Variants in MICU3 observed in about 807,000 individuals in gnomAD.
MICU3 encodes the protein mitochondrial calcium uptake 3, also known as calcium uptake protein 3, mitochondrial.
Under a neutral mutation model 66.5 loss-of-function variants are expected in MICU3, and 62 were observed. The observed-to-expected ratio is 0.93, with a 90% CI of 0.76 to 1.15. The LOEUF (loss-of-function observed/expected upper bound fraction) is 1.15, where lower values mean the gene tolerates loss of function less well. Among genes scored for constraint, MICU3 ranks in the 50% most tolerant of loss-of-function variants. MICU3 has a pLI of 0.00. For synonymous variants in MICU3, 308 were observed against 240.7 expected (o/e 1.28, Z -2.59); for missense variants, 779 against 664.4 (o/e 1.17, Z -1.90).
chr8:17,062,424 G>GAGC (rs1380552094), intron 1 of MICU3, among the ~76,000 whole-genome samples: 1 of 152,116 alleles, frequency 6.6e-6, no homozygotes, highest in Non-Finnish European at 1.5e-5. Context: ...TAGAAGTGGG[G>GAGC]AGCGAAACTT....
chr8:17,113,523 T>C (rs980686268), intron 11 of MICU3, among the ~76,000 whole-genome samples: 3 of 152,190 alleles, frequency 2.0e-5, no homozygotes, highest in African/African-American at 7.2e-5. Flanking sequence ...CCCAGAACTG[T>C]ACCTCTGAGG....
rs111567148 is a variant in MICU3, at chr8:17,098,508, A to T, written c.939A>T (p.Thr313=). ...EELVSRSYWD[T]LRRNTSQALF... ...TTGTCTCCAGAAGCTATTGGGATAC[A>T]CTGAGACGTAACACAAGCCAAGCAC... The change falls in exon 9 of 15, where the codon ACA becomes ACT. Residue 313 remains threonine, a synonymous_variant. Coordinates refer to ENST00000318063, the MANE Select transcript of MICU3 (RefSeq NM_181723.3). 3.7e-6 allele frequency: 6 copies of T among 1,611,876 alleles called. No homozygotes were observed. The highest frequency in any genetic ancestry group is 5.1e-6 in the Non-Finnish European group (6 of 1,178,428).
chr8:17,055,623 T>C (rs958588919), intron 1 of MICU3, among the ~76,000 whole-genome samples: 2 of 152,174 alleles, frequency 1.3e-5, no homozygotes, highest in African/African-American at 4.8e-5. Flanking sequence ...TATAAAAGCT[T>C]CTCACATGAA....
downstream of MICU3, among the ~76,000 whole-genome samples, chr8:17,127,506 G>T (rs767947784): frequency 2.4e-4 from 10 of 40,996 alleles, no homozygotes; most frequent in Non-Finnish European, 3.3e-4. Flanking sequence ...GCCTTCATTT[G>T]TCAACTTAAA....
At chr8:17,070,090 G>T (rs902463917) in intron 3 of MICU3, among the ~76,000 whole-genome samples, 1 of 151,966 alleles carries the variant, frequency 6.6e-6, no homozygotes, top group Admixed American at 6.6e-5. Flanking sequence ...AGTTGAACTT[G>T]AATAGACTCT....
intron 8 of MICU3, among the ~76,000 whole-genome samples, chr8:17,091,833 A>G (rs112818721): frequency 0.014 from 2,163 of 152,162 alleles, 50 homozygotes; most frequent in African/African-American, 0.049. Flanking sequence ...ACAGATTATA[A>G]TGCCATATGC....
At chr8:17,114,763 C>T (rs1802525185) in intron 12 of MICU3, among the ~76,000 whole-genome samples, 3 of 152,112 alleles carry the variant, frequency 2.0e-5, no homozygotes, top group Admixed American at 1.3e-4. Flanking sequence ...CCTATGGGGA[C>T]TTTGTTTGTC....
At position 17,105,408 on chromosome 8, in the gene MICU3, C is replaced by T. The variant is rs1314708037; in HGVS notation, c.1086-5C>T. 1 of 1,500,524 alleles carries T rather than the reference C, an allele frequency of 6.7e-7. No individual in the cohort carries two copies. Among genetic ancestry groups the T allele is most frequent in the South Asian group, 1.3e-5 (1 of 79,334 alleles). 93.0% of individuals were successfully genotyped at this position (1,500,524 alleles called of 1,614,324 possible). Reference sequence around the variant, plus strand: ...TTTTCCTTCTTTATTACATTTTTGTCATAGATTCATGGATAATCTCCAAAC... The same window carrying T: ...TTTTCCTTCTTTATTACATTTTTGTTATAGATTCATGGATAATCTCCAAAC... On this transcript the variant is annotated splice_polypyrimidine_tract_variant and splice_region_variant and intron_variant, in intron 10 of 14. Coordinates refer to ENST00000318063, the MANE Select transcript of MICU3 (RefSeq NM_181723.3).
chr8:17,037,655 G>T (rs1450128795), intron 1 of MICU3, among the ~76,000 whole-genome samples: 2 of 152,180 alleles, frequency 1.3e-5, no homozygotes, highest in South Asian at 2.1e-4. Context: ...TAGTGGAACT[G>T]TGACAAGAGG....
chr8:17,113,963 T>G, intron 11 of MICU3, 130 bp from the exon 12 acceptor site: 1 of 540,888 alleles, frequency 1.8e-6, no homozygotes, highest in East Asian at 3.1e-5. Flanking sequence ...AACGTCAAAA[T>G]GTGCCCTGGA....
chr8:17,106,201 G>T (rs903082219), intron 11 of MICU3, among the ~76,000 whole-genome samples: 2 of 152,024 alleles, frequency 1.3e-5, no homozygotes, highest in African/African-American at 4.8e-5. Flanking sequence ...CTCTTCAAGA[G>T]TGGGATGTTT....
chr8:17,113,885 T>C (rs1467276622), intron 11 of MICU3, among the ~76,000 whole-genome samples: 3 of 152,186 alleles, frequency 2.0e-5, no homozygotes, highest in African/African-American at 7.2e-5. Context: ...TTACCTATTA[T>C]TCTAATAGCA....
chr8:17,048,896 G>A (rs186489813), intron 1 of MICU3, among the ~76,000 whole-genome samples: 2 of 152,270 alleles, frequency 1.3e-5, no homozygotes, highest in East Asian at 1.9e-4. Context: ...TGAGATTTTC[G>A]ACGTGAGCAA....
At position 17,085,222 on chromosome 8, in the gene MICU3, G is replaced by C. The variant is rs781078344; in HGVS notation, c.695-14G>C. 6 of 1,585,890 alleles carry C rather than the reference G, an allele frequency of 3.8e-6. No individual in the cohort carries two copies. The highest frequency in any genetic ancestry group is 5.2e-6 in the Non-Finnish European group (6 of 1,163,690). On this transcript the variant is annotated splice_polypyrimidine_tract_variant and intron_variant, in intron 5 of 14. Transcript: ENST00000318063. Reference sequence around the variant, plus strand: ...TTTCCATTTTGTGAATACCTTCTCTGTTTTTTCTGGCAGAGCCACATGCAG... The same window carrying C: ...TTTCCATTTTGTGAATACCTTCTCTCTTTTTTCTGGCAGAGCCACATGCAG...
intron 1 of MICU3, among the ~76,000 whole-genome samples, chr8:17,036,137 T>A (rs911133170): frequency 5.3e-5 from 8 of 152,086 alleles, no homozygotes; most frequent in African/African-American, 1.2e-4. Context: ...TTCTTCCTTC[T>A]GGTGGGTTCG....
intron 2 of MICU3, 66 bp downstream of exon 2, chr8:17,064,303 T>C: frequency 7.7e-7 from 1 of 1,298,044 alleles, no homozygotes; most frequent in African/African-American, 1.5e-5. Context: ...TGTGAATGGA[T>C]GGAGCAGTAT....
intron 10 of MICU3, among the ~76,000 whole-genome samples, chr8:17,104,994 CAAAAAAAAAAAAAA>C (rs746149322): frequency 1.1e-4 from 1 of 8,724 alleles, no homozygotes; most frequent in Non-Finnish European, 1.6e-4. Flanking sequence ...GACTCCGTCT[CAAAAAAAAAAAAAA>C]AAAAAAAAAA....
chr8:17,123,958 A>G (rs1454387580), downstream of MICU3, among the ~76,000 whole-genome samples: 1 of 151,092 alleles, frequency 6.6e-6, no homozygotes, highest in Non-Finnish European at 1.5e-5. Context: ...TAAAAAAAAA[A>G]AAAAAAACCA....
chr8:17,093,100 C>G (rs1350178865), intron 8 of MICU3, among the ~76,000 whole-genome samples: 3 of 152,024 alleles, frequency 2.0e-5, no homozygotes, highest in South Asian at 2.1e-4. Context: ...TGAGCATACA[C>G]CTTTGTATTC....
Sources: gnomAD v4.1 joint callset for allele counts (sites outside exome capture counted in the v4.1 genomes callset) on GRCh38, gnomAD v4.1.1 for gene constraint, MANE v1.5 for transcripts, NCBI Gene and HGNC (gene_info 2026-07-23, HGNC 2026-07-21) for gene names.